Variants in LAMA2 observed in about 807,000 individuals in gnomAD.
LAMA2 encodes laminin subunit alpha 2, also known as laminin subunit alpha-2.
LAMA2 carries 269 observed loss-of-function variants against 364.8 expected under a neutral mutation model. The ratio of observed to expected loss-of-function variants is 0.74; its 90% CI spans 0.67 to 0.82. The LOEUF (loss-of-function observed/expected upper bound fraction) is 0.82. Ranked by LOEUF, LAMA2 falls within the 40% of genes least tolerant of loss-of-function variation. The pLI is 0.00. For missense variants in LAMA2, 3,807 were observed against 3,873.2 expected (o/e 0.98, Z 0.45); for synonymous variants, 1,379 against 1,370.6 (o/e 1.01, Z -0.14).
intron 42 of LAMA2, among the ~76,000 whole-genome samples, chr6:129,439,655 C>A (rs1019647558): frequency 6.6e-6 from 1 of 151,774 alleles, no homozygotes; most frequent in East Asian, 1.9e-4. Context: ...TGAAAGCACA[C>A]GTTATTTTAA....
chr6:128,923,625 G>T (rs1051280779), intron 1 of LAMA2, among the ~76,000 whole-genome samples: 1 of 152,026 alleles, frequency 6.6e-6, no homozygotes, highest in Non-Finnish European at 1.5e-5. Context: ...ATGATCAGAG[G>T]AATAATAATT....
At chr6:128,920,994 A>G (rs771328385) in intron 1 of LAMA2, among the ~76,000 whole-genome samples, 1 of 152,204 alleles carries the variant, frequency 6.6e-6, no homozygotes, top group Non-Finnish European at 1.5e-5. Context: ...ATTTCTGATC[A>G]TCGATCCTGT....
At chr6:128,925,399 T>C (rs575270713) in intron 1 of LAMA2, among the ~76,000 whole-genome samples, 1 of 152,284 alleles carries the variant, frequency 6.6e-6, no homozygotes, top group Non-Finnish European at 1.5e-5. Flanking sequence ...CTAAGTGAAA[T>C]ATACCAGTCA....
At chr6:129,477,994 C>T (rs868773837) in intron 53 of LAMA2, among the ~76,000 whole-genome samples, 9 of 89,912 alleles carry the variant, frequency 1.0e-4, no homozygotes, top group African/African-American at 2.8e-4. Flanking sequence ...CACTCTGTTG[C>T]CTCAGGCTGG....
chr6:129,430,372 A>C (rs1781529289), intron 41 of LAMA2, among the ~76,000 whole-genome samples: 1 of 152,214 alleles, frequency 6.6e-6, no homozygotes, highest in South Asian at 2.1e-4. Context: ...AGCTTCAGTC[A>C]TGAATGACTT....
Position 129,050,075 on chromosome 6 carries a change from C to T in LAMA2, c.270C>T (p.Ser90=). Residue 90 remains serine (S), a synonymous_variant, in exon 2 of 65, where the codon AGC becomes AGT. Coordinates refer to ENST00000421865, the MANE Select transcript of LAMA2 (RefSeq NM_000426.4). ...AGTGTCGAATCTGCAATCAAAACAG[C>T]AGCAATCCAAACCGTATGTATTTTA... ...NPQCRICNQN[S]SNPNQRHPIT... The T allele has an allele frequency of 6.2e-7, 1 of 1,614,138 alleles. No homozygotes were observed. The highest frequency in any genetic ancestry group is 8.5e-7 in the Non-Finnish European group (1 of 1,179,994).
intron 34 of LAMA2, among the ~76,000 whole-genome samples, chr6:129,371,798 C>A (rs1051726057): frequency 2.0e-5 from 3 of 151,456 alleles, no homozygotes; most frequent in Non-Finnish European, 4.4e-5. Context: ...TTAGTAGAGA[C>A]GGGTTTCACC....
Position 129,291,619 on chromosome 6 carries a change from C to T in LAMA2, c.2755C>T (p.Arg919Cys), listed in dbSNP as rs138018456. Residue 919 changes from arginine (R) to cysteine (C), a missense_variant, in exon 20 of 65, where the codon CGC becomes TGC. By Grantham distance (180) the Arg-to-Cys change is radical. Coordinates refer to ENST00000421865, the MANE Select transcript of LAMA2 (RefSeq NM_000426.4). ...AVDAKNCQPC[R>C]CNAGGSFSEV... ...GGTCTCTCTTCTCTTTGCAGCCTGT[C>T]GCTGTAATGCCGGTGGCTCTTTCTC... The T allele has an allele frequency of 2.3e-4, 369 of 1,612,964 alleles. 5 individuals are homozygous for T. In the African/African-American group the frequency reaches 4.2e-3, roughly 18 times the overall value.
chr6:129,024,264 T>TA (rs889262084), intron 1 of LAMA2, among the ~76,000 whole-genome samples: 54 of 147,260 alleles, frequency 3.7e-4, no homozygotes, highest in East Asian at 2.4e-3. Flanking sequence ...AATGGTATGT[T>TA]AAAAAAAAAA....
At chr6:129,306,788 T>C (rs944482892) in intron 22 of LAMA2, among the ~76,000 whole-genome samples, 9 of 152,128 alleles carry the variant, frequency 5.9e-5, no homozygotes, top group Non-Finnish European at 1.2e-4. Context: ...TATTTTTTTA[T>C]CTTTTAAATT....
chr6:128,976,086 A>G (rs910130574), intron 1 of LAMA2, among the ~76,000 whole-genome samples: 1 of 152,224 alleles, frequency 6.6e-6, no homozygotes, highest in Admixed American at 6.5e-5. Context: ...GGGATTTAGG[A>G]TAATGGCCTG....
At chr6:129,323,976 A>G (rs1437782605) in intron 28 of LAMA2, among the ~76,000 whole-genome samples, 1 of 152,174 alleles carries the variant, frequency 6.6e-6, no homozygotes, top group African/African-American at 2.4e-5. Flanking sequence ...AATAATTTAT[A>G]CCTATCGTCA....
chr6:129,479,996 C>G (rs1784271946), intron 54 of LAMA2: 1 of 152,142 alleles, frequency 6.6e-6, no homozygotes, highest in South Asian at 2.1e-4. Flanking sequence ...AAGATATATA[C>G]ATGAGGATGG....
intron 1 of LAMA2, among the ~76,000 whole-genome samples, chr6:128,890,652 G>T (rs1218850166): frequency 6.6e-6 from 1 of 151,864 alleles, no homozygotes; most frequent in African/African-American, 2.4e-5. Flanking sequence ...TCAAATTTTA[G>T]TGTTTACATT....
intron 1 of LAMA2, among the ~76,000 whole-genome samples, chr6:129,047,399 CAAT>C (rs1787593163): frequency 6.6e-6 from 1 of 152,074 alleles, no homozygotes; most frequent in South Asian, 2.1e-4. Context: ...GTATCAGGAA[CAAT>C]AAATGAGATA....
At chr6:128,936,927 T>C (rs1269725777) in intron 1 of LAMA2, among the ~76,000 whole-genome samples, 1 of 152,110 alleles carries the variant, frequency 6.6e-6, no homozygotes, top group East Asian at 1.9e-4. Context: ...ATGATATCAA[T>C]GTCCAACAGG....
At chr6:129,434,758 C>T (rs1001012687) in intron 41 of LAMA2, among the ~76,000 whole-genome samples, 17 of 152,010 alleles carry the variant, frequency 1.1e-4, no homozygotes, top group Admixed American at 3.3e-4. Flanking sequence ...AGGTTTTCCT[C>T]GCTATTATTT....
chr6:129,278,923 A>T (rs555597964), intron 17 of LAMA2, among the ~76,000 whole-genome samples: 2 of 152,148 alleles, frequency 1.3e-5, no homozygotes, highest in East Asian at 3.9e-4. Context: ...ACTATTCAGA[A>T]ATAGTGTTCA....
At chr6:129,269,364 CTT>C (rs370461121) in intron 16 of LAMA2, among the ~76,000 whole-genome samples, 2 of 144,720 alleles carry the variant, frequency 1.4e-5, no homozygotes, top group Non-Finnish European at 1.5e-5. Context: ...AAGCTTCCAT[CTT>C]TTTTTTTTTT....
Sources: allele counts gnomAD v4.1 joint callset (sites outside exome capture counted in the v4.1 genomes callset), GRCh38; gene constraint gnomAD v4.1.1; transcripts MANE v1.5; gene names NCBI Gene and HGNC (gene_info 2026-07-23, HGNC 2026-07-21).